Variants in C19orf38 observed in about 807,000 individuals in gnomAD.
C19orf38 encodes protein HIDE1.
C19orf38 carries 14 observed loss-of-function variants against 26.6 expected under a neutral mutation model. The observed-to-expected ratio is 0.53, with a 90% CI of 0.35 to 0.82. The LOEUF is 0.82. Among genes scored for constraint, C19orf38 ranks in the 40% least tolerant of loss-of-function variants. The probability of loss-of-function intolerance (pLI) is 0.01; values close to 1 mark genes in which losing one functional copy is unlikely to be tolerated. For missense variants in C19orf38, 261 were observed against 299.5 expected, an observed-to-expected ratio of 0.87 and a Z score of 0.95; for synonymous variants, 132 against 128.5, an observed-to-expected ratio of 1.03 and a Z score of -0.18.
At position 10,848,589 on chromosome 19, in the gene C19orf38, T is replaced by G. The variant is rs1313748540; in HGVS notation, c.31+50T>G. ...ATCCCCCACGCCTTTCCCCCCATCC[T>G]CTGTCCACCTTGCCGCTCCAGGGGC... On this transcript the variant is annotated intron_variant, in intron 1 of 6. Coordinates refer to ENST00000397820, the MANE Select transcript of C19orf38 (RefSeq NM_001136482.3). 7 of 1,273,144 alleles carry G rather than the reference T, an allele frequency of 5.5e-6. No homozygotes were observed. The African/African-American group carries it at 9.7e-5, about 18-fold the overall frequency. The allele number at this position is 1,273,144 out of a possible 1,614,324, so 78.9% of individuals were successfully genotyped here. A position where few individuals can be genotyped will look rare whatever the true frequency, so the allele number is the denominator to read the frequency against.
chr19:10,860,290 T>TG (rs1473049389), intron 5 of C19orf38, among the ~76,000 whole-genome samples: 2 of 151,864 alleles, frequency 1.3e-5, no homozygotes, highest in East Asian at 3.9e-4. Context: ...TCCCAGCACT[T>TG]TAGGAGGCTG....
At chr19:10,864,298 T>A (rs2073731094) in intron 6 of C19orf38, among the ~76,000 whole-genome samples, 1 of 151,942 alleles carries the variant, frequency 6.6e-6, no homozygotes, top group African/African-American at 2.4e-5. Flanking sequence ...TGACCTCAGG[T>A]GATCCACTGG....
At chr19:10,846,581 G>T (rs2073520180), upstream of C19orf38, among the ~76,000 whole-genome samples, 1 of 152,060 alleles carries the variant, frequency 6.6e-6, no homozygotes, top group Non-Finnish European at 1.5e-5. Flanking sequence ...CCAAACTGTG[G>T]CACTTTGAAA....
At chr19:10,867,106 T>C (rs566408581) in intron 6 of C19orf38, among the ~76,000 whole-genome samples, 1 of 151,424 alleles carries the variant, frequency 6.6e-6, no homozygotes, top group Admixed American at 6.6e-5. Context: ...TTTCTCATCC[T>C]CCCAAACTTG....
chr19:10,846,326 A>G (rs1462924511), upstream of C19orf38, among the ~76,000 whole-genome samples: 1 of 151,660 alleles, frequency 6.6e-6, no homozygotes, highest in East Asian at 2.0e-4. Flanking sequence ...CCTCCCGAGT[A>G]GCTGGGACTA....
At chr19:10,847,485 T>C (rs1402246586), upstream of C19orf38, among the ~76,000 whole-genome samples, 2 of 151,362 alleles carry the variant, frequency 1.3e-5, no homozygotes, top group African/African-American at 4.8e-5. Context: ...GTGATTCTCC[T>C]GCCTCAGCCT....
intron 3 of C19orf38, among the ~76,000 whole-genome samples, chr19:10,857,759 T>C (rs1359940965): frequency 6.6e-6 from 1 of 151,338 alleles, no homozygotes; most frequent in African/African-American, 2.4e-5. Context: ...TGTGCACCTG[T>C]AGTCCCAGCT....
intron 1 of C19orf38, among the ~76,000 whole-genome samples, chr19:10,839,886 G>A (rs945957821): frequency 6.6e-6 from 1 of 151,500 alleles, no homozygotes; most frequent in Non-Finnish European, 1.5e-5. Flanking sequence ...CACCACACCT[G>A]GCTAATTATT....
At chr19:10,861,050 G>A (rs1255404389) in intron 5 of C19orf38, among the ~76,000 whole-genome samples, 1 of 151,986 alleles carries the variant, frequency 6.6e-6, no homozygotes, top group Non-Finnish European at 1.5e-5. Context: ...GGCTGAGACA[G>A]GAGAATCACT....
At chr19:10,854,790 A>G (rs1038086131) in intron 2 of C19orf38, among the ~76,000 whole-genome samples, 1 of 152,080 alleles carries the variant, frequency 6.6e-6, no homozygotes, top group Non-Finnish European at 1.5e-5. Context: ...TCATCTGGCC[A>G]CTGGCACCCA....
intron 3 of C19orf38, among the ~76,000 whole-genome samples, 180 bp from the exon 4 acceptor site, chr19:10,858,136 G>A (rs1156680133): frequency 1.4e-5 from 2 of 140,930 alleles, no homozygotes; most frequent in African/African-American, 2.6e-5. Context: ...GCTGAGGCAG[G>A]AGAATTGCTT....
chr19:10,851,694 C>T (rs1020717994), intron 2 of C19orf38, among the ~76,000 whole-genome samples: 47 of 151,862 alleles, frequency 3.1e-4, no homozygotes, highest in African/African-American at 1.0e-3. Context: ...ATAGGCTGGG[C>T]GTGGTGGCTC....
chr19:10,857,436 C>T lies in C19orf38; in HGVS notation c.434-880C>T, dbSNP rs145073658. Among the ~76,000 whole-genome samples the T allele has an allele frequency of 7.5e-3, 1,028 of 137,598 alleles. 13 individuals are homozygous for T. The highest frequency in any genetic ancestry group is 0.027 in the African/African-American group (969 of 35,526). 90.3% of individuals were successfully genotyped at this position (137,598 alleles called of 152,430 possible). On this transcript the variant is annotated intron_variant, in intron 3 of 6. Transcript: ENST00000397820. Reference sequence around the variant, plus strand: ...AGGCTGGAGTGCAGTGAGGCGATCTCGACTCACTTGCTCTGTTGCCAGCCT... The same window carrying T: ...AGGCTGGAGTGCAGTGAGGCGATCTTGACTCACTTGCTCTGTTGCCAGCCT...
chr19:10,838,903 T>G, intron 1 of C19orf38, among the ~76,000 whole-genome samples: 1 of 151,988 alleles, frequency 6.6e-6, no homozygotes, highest in East Asian at 1.9e-4. Context: ...ATCGCCCATT[T>G]CTTTTTCTTT....
chr19:10,854,102 G>A (rs903068014), intron 2 of C19orf38, among the ~76,000 whole-genome samples: 9 of 148,680 alleles, frequency 6.1e-5, no homozygotes, highest in African/African-American at 1.7e-4. Flanking sequence ...TCACTCTGTC[G>A]CCCAGGCTGA....
chr19:10,849,851 G>C (rs1173852017), intron 1 of C19orf38, among the ~76,000 whole-genome samples: 2 of 151,584 alleles, frequency 1.3e-5, no homozygotes, highest in Non-Finnish European at 2.9e-5. Context: ...AGTCACACGA[G>C]GCCAGGAGTT....
intron 6 of C19orf38, among the ~76,000 whole-genome samples, chr19:10,866,340 G>A (rs937396068): frequency 2.7e-5 from 4 of 149,560 alleles, no homozygotes; most frequent in Admixed American, 6.7e-5. Context: ...ACAGGCGAGC[G>A]CCAGCATGCC....
chr19:10,844,277 C>T (rs2073499442), upstream of C19orf38, among the ~76,000 whole-genome samples: 1 of 151,600 alleles, frequency 6.6e-6, no homozygotes, highest in Admixed American at 6.6e-5. Flanking sequence ...TGGTGGCACA[C>T]GTGTAATCCC....
At chr19:10,841,797 A>T in intron 1 of C19orf38, 1 of 1,038,326 alleles carries the variant, frequency 9.6e-7, no homozygotes, top group Non-Finnish European at 1.5e-6. Flanking sequence ...GCATAGTGAG[A>T]TCCCATCTCC....
Sources: allele counts gnomAD v4.1 joint callset (sites outside exome capture counted in the v4.1 genomes callset), GRCh38; gene constraint gnomAD v4.1.1; transcripts MANE v1.5; gene names NCBI Gene and HGNC (gene_info 2026-07-23, HGNC 2026-07-21).